Variants in STK10 observed in about 807,000 individuals in gnomAD.
The protein encoded by STK10 is serine/threonine kinase 10, also known as serine/threonine-protein kinase 10.
A neutral mutation model predicts 113.8 loss-of-function variants in STK10; 78 were observed. The observed-to-expected ratio is 0.69, with a 90% CI of 0.57 to 0.83. STK10 has a LOEUF of 0.83. Ranked by LOEUF, STK10 falls within the 40% of genes least tolerant of loss-of-function variation. The pLI, the probability that STK10 is intolerant of heterozygous loss-of-function variation, is 0.00. For missense variants in STK10, 1,109 were observed against 1,280.1 expected, an observed-to-expected ratio of 0.87 and a Z score of 2.04; for synonymous variants, 465 against 494.7, an observed-to-expected ratio of 0.94 and a Z score of 0.80.
chr5:172,093,985 T>TA lies in STK10; in HGVS notation c.1006-26dup. The TA allele has an allele frequency of 7.5e-7, 1 of 1,336,444 alleles. No homozygotes were observed. The allele number at this position is 1,336,444 out of a possible 1,614,324, so 82.8% of individuals were successfully genotyped here. ...TCTAGAAAAATATATATATATATAT[T>TA]AAAGGCCATGCTGCTGTATGTTCAA... On this transcript the variant is annotated intron_variant, in intron 8 of 18. Coordinates refer to ENST00000176763, the MANE Select transcript of STK10 (RefSeq NM_005990.4). This position sits in a 1 kb window ranked among gnomAD's most constrained non-coding sequence, Gnocchi z 4.1.
At chr5:172,049,617 G>A (rs2113683390) in intron 18 of STK10, among the ~76,000 whole-genome samples, 1 of 152,116 alleles carries the variant, frequency 6.6e-6, no homozygotes, top group Admixed American at 6.5e-5. Context: ...CTTTCTGGGG[G>A]TGGGGGAGGG....
intron 7 of STK10, among the ~76,000 whole-genome samples, chr5:172,101,343 T>C (rs1377564565): frequency 2.0e-5 from 3 of 151,846 alleles, no homozygotes; most frequent in African/African-American, 7.3e-5. Context: ...TGGTGGTGCA[T>C]GCCTGTAATC....
intron 7 of STK10, chr5:172,105,431 T>C: frequency 1.7e-6 from 1 of 577,014 alleles, no homozygotes; most frequent in Middle Eastern, 4.6e-4. Flanking sequence ...GTATCCCCAC[T>C]GGAACACACG....
chr5:172,101,662 T>C (rs1259352714), intron 7 of STK10, among the ~76,000 whole-genome samples: 1 of 151,904 alleles, frequency 6.6e-6, no homozygotes, highest in Non-Finnish European at 1.5e-5. Context: ...CCATGTGCCA[T>C]GGAAGAAGGA....
rs1183942421 is a variant in STK10 at position 172,120,659 on chromosome 5, T to C, written c.371-3029A>G. On this transcript the variant is annotated intron_variant, in intron 3 of 18. Transcript: ENST00000176763. The surrounding 1 kb of genome is among the most constrained non-coding windows in gnomAD (Gnocchi z 4.0). ...TGAAATGGGATGATTATAATCGACA[T>C]AGGCAGGGCTCCAGCCATCAGCCAT... 1.3e-5 allele frequency among the ~76,000 whole-genome samples: 2 copies of C among 152,108 alleles called. No homozygotes were observed. The highest frequency in any genetic ancestry group is 6.6e-5 in the Admixed American group (1 of 15,262).
chr5:172,129,704 T>TTC (rs1769705522), intron 2 of STK10, among the ~76,000 whole-genome samples: 1 of 152,060 alleles, frequency 6.6e-6, no homozygotes, highest in Non-Finnish European at 1.5e-5. Context: ...TTGTAGTAAT[T>TTC]CTCAGCTCCA....
intron 5 of STK10, 170 bp from the exon 6 acceptor site, chr5:172,106,984 G>C: frequency 2.0e-4 from 104 of 521,404 alleles, no homozygotes; most frequent in African/African-American, 6.1e-5. Flanking sequence ...CTCTTCCACA[G>C]AAAAACGCCT....
chr5:172,168,963 C>A (rs940737306), intron 1 of STK10, among the ~76,000 whole-genome samples: 2 of 152,164 alleles, frequency 1.3e-5, no homozygotes, highest in African/African-American at 4.8e-5. Context: ...AGCACTCACA[C>A]CCTCATGACC....
chr5:172,117,399 C>G, intron 4 of STK10, 82 bp downstream of exon 4: 4 of 1,560,276 alleles, frequency 2.6e-6, no homozygotes, highest in Non-Finnish European at 3.5e-6. Flanking sequence ...GAGGTCCACA[C>G]TCCCACTGGC....
chr5:172,090,145 A>G, intron 10 of STK10, 87 bp downstream of exon 10: 5 of 1,548,082 alleles, frequency 3.2e-6, no homozygotes, highest in Non-Finnish European at 4.4e-6. Flanking sequence ...CTGTAGACAG[A>G]CAGCCCTCTC....
chr5:172,124,649 T>C (rs1429465002), intron 3 of STK10, among the ~76,000 whole-genome samples: 2 of 152,156 alleles, frequency 1.3e-5, no homozygotes, highest in African/African-American at 4.8e-5. Context: ...TGAGATGGGT[T>C]TGGATCATAA....
rs184492216 is a variant in STK10 at position 172,160,097 on chromosome 5, C to T, written c.157-3309G>A. ...ATTGCAGTGAGCCGAGATTGCACCA[C>T]GGCACTCCAGCTTGGGCGACAGAGT... On this transcript the variant is annotated intron_variant, in intron 1 of 18. Transcript: ENST00000176763. Among the ~76,000 whole-genome samples, 1,213 of 151,438 alleles carry T rather than the reference C, an allele frequency of 8.0e-3. 6 individuals carry two copies. Among genetic ancestry groups the T allele is most frequent in the Middle Eastern group, 0.034 (10 of 290 alleles).
At chr5:172,060,457 C>T (rs1767907647) in intron 14 of STK10, among the ~76,000 whole-genome samples, 1 of 152,054 alleles carries the variant, frequency 6.6e-6, no homozygotes, top group African/African-American at 2.4e-5. Flanking sequence ...AACCACAAAA[C>T]CCCAAAAACC....
chr5:172,147,453 A>G (rs1017278725), intron 2 of STK10, among the ~76,000 whole-genome samples: 36 of 151,452 alleles, frequency 2.4e-4, no homozygotes, highest in Admixed American at 6.6e-5. Flanking sequence ...GGGCAGTGGC[A>G]CAATCTCGGC....
intron 9 of STK10, among the ~76,000 whole-genome samples, chr5:172,090,678 T>C (rs912623780): frequency 6.6e-6 from 1 of 151,934 alleles, no homozygotes; most frequent in Non-Finnish European, 1.5e-5. Context: ...GGCTTACGCT[T>C]GTAATCCCAG....
At position 172,064,803 on chromosome 5, in the gene STK10, C is replaced by T. The variant is rs371455341; in HGVS notation, c.1999G>A (p.Glu667Lys). 1.1e-5 allele frequency: 18 copies of T among 1,613,622 alleles called. No individual in the cohort carries two copies. Among genetic ancestry groups the T allele is most frequent in the East Asian group, 2.2e-5 (1 of 44,846 alleles). Reference sequence around the variant, plus strand: ...TGCTGTCGGGGGAGCTTCTCCACCTCGTTCTTCACCTGCAGCAGAGACAGC... The same window carrying T: ...TGCTGTCGGGGGAGCTTCTCCACCTTGTTCTTCACCTGCAGCAGAGACAGC... ...LKLMKKEVKN[E>K]VEKLPRQQRK... Residue 667 changes from glutamate (E) to lysine (K), a missense_variant, in exon 13 of 19, where the codon GAG becomes AAG. Coordinates refer to ENST00000176763, the MANE Select transcript of STK10 (RefSeq NM_005990.4).
At chr5:172,061,005 C>T (rs749966797) in intron 14 of STK10, 134 bp downstream of exon 14, 276 of 1,366,650 alleles carry the variant, frequency 2.0e-4, no homozygotes, top group Non-Finnish European at 2.6e-4. Flanking sequence ...CCCCAGGTTT[C>T]CCCATGAAGA....
chr5:172,053,436 G>A (rs1767676123), intron 17 of STK10, among the ~76,000 whole-genome samples: 1 of 77,544 alleles, frequency 1.3e-5, no homozygotes, highest in Admixed American at 1.5e-4. Context: ...AAAGCATCAT[G>A]GTTTGTTATG....
intron 4 of STK10, among the ~76,000 whole-genome samples, chr5:172,115,651 T>A (rs1769366728): frequency 6.6e-6 from 1 of 152,230 alleles, no homozygotes; most frequent in South Asian, 2.1e-4. Context: ...GTTAAGCACG[T>A]AGGCTCTGGA....
Sources: gnomAD v4.1 joint callset for allele counts (sites outside exome capture counted in the v4.1 genomes callset) on GRCh38, gnomAD v4.1.1 for gene constraint, Gnocchi (gnomAD v3.1) non-coding constraint, MANE v1.5 for transcripts, NCBI Gene and HGNC (gene_info 2026-07-23, HGNC 2026-07-21) for gene names.